The following ABCB5 variants were observed in gnomAD, a reference collection of about 807,000 sequenced individuals.
ABCB5 encodes ATP-binding cassette sub-family B member 5.
ABCB5 carries 155 observed loss-of-function variants against 144.2 expected under a neutral mutation model. The observed-to-expected ratio is 1.08, with a 90% CI of 0.94 to 1.23. ABCB5 has a LOEUF of 1.23. Among genes scored for constraint, ABCB5 ranks in the 50% most tolerant of loss-of-function variants. The pLI is 0.00. For missense variants in ABCB5, 1,830 were observed against 1,520.8 expected (o/e 1.20, Z -3.38); for synonymous variants, 610 against 528.6 (o/e 1.15, Z -2.11).
intron 4 of ABCB5, 88 bp from the exon 5 acceptor site, chr7:20,631,971 A>G (rs1784049396): frequency 2.9e-6 from 2 of 694,506 alleles, no homozygotes; most frequent in South Asian, 2.6e-5. Context: ...TTAAGAGTGC[A>G]CTATATTTGG....
chr7:20,667,268 G>A (rs1319213867), intron 14 of ABCB5: 28 of 983,446 alleles, frequency 2.8e-5, no homozygotes, highest in Non-Finnish European at 3.3e-5. Flanking sequence ...AAGTAAAGAT[G>A]ACACAGATGA....
intron 14 of ABCB5, among the ~76,000 whole-genome samples, chr7:20,680,799 C>G (rs1233591310): frequency 6.6e-6 from 1 of 151,976 alleles, no homozygotes; most frequent in Admixed American, 6.6e-5. Context: ...AGTAATATCC[C>G]CATTTTAAAG....
chr7:20,682,349 G>A (rs1367350518), intron 15 of ABCB5, among the ~76,000 whole-genome samples: 1 of 152,128 alleles, frequency 6.6e-6, no homozygotes, highest in East Asian at 1.9e-4. Flanking sequence ...TGTGCATATA[G>A]ATATTATTAG....
chr7:20,674,530 A>G (rs1315908350), intron 14 of ABCB5, among the ~76,000 whole-genome samples: 2 of 151,872 alleles, frequency 1.3e-5, no homozygotes, highest in Non-Finnish European at 2.9e-5. Context: ...AGTTGCTATC[A>G]GCTTAAAATA....
intron 5 of ABCB5, among the ~76,000 whole-genome samples, chr7:20,632,567 T>C (rs1231718921): frequency 3.3e-5 from 5 of 152,198 alleles, no homozygotes; most frequent in African/African-American, 9.6e-5. Context: ...CACACGTATG[T>C]TTATTGCAGC....
At chr7:20,707,843 GC>G (rs1786872462) in intron 20 of ABCB5, among the ~76,000 whole-genome samples, 1 of 118,050 alleles carries the variant, frequency 8.5e-6, no homozygotes, top group Non-Finnish European at 1.6e-5. Flanking sequence ...TCTCGCTCTC[GC>G]CCAGGCTGGA....
chr7:20,740,774 G>A (rs1185407925), intron 24 of ABCB5, among the ~76,000 whole-genome samples: 2 of 151,986 alleles, frequency 1.3e-5, no homozygotes, highest in Admixed American at 6.6e-5. Flanking sequence ...ATTTTATTTA[G>A]TATGTAAATG....
chr7:20,742,953 G>C lies in ABCB5; in HGVS notation c.3101G>C (p.Arg1034Pro). The change falls in exon 25 of 28, where the codon CGT becomes CCT. Residue 1034 changes from arginine (R) to proline (P), a missense_variant. Arg to Pro is a moderately radical substitution (Grantham distance 103). Transcript: ENST00000404938. ...YPCRPDVFIL[R>P]GLSLSIERGK... Reference sequence around the variant, plus strand: ...TGTCGCCCAGATGTTTTCATCCTCCGTGGCTTATCCCTCAGTATTGAGCGA... The same window carrying C: ...TGTCGCCCAGATGTTTTCATCCTCCCTGGCTTATCCCTCAGTATTGAGCGA... The C allele has an allele frequency of 6.2e-7, 1 of 1,614,088 alleles. No homozygotes were observed. Among genetic ancestry groups the C allele is most frequent in the Non-Finnish European group, 8.5e-7 (1 of 1,180,028 alleles).
chr7:20,672,438 A>G (rs1397119255), intron 14 of ABCB5, among the ~76,000 whole-genome samples: 1 of 152,158 alleles, frequency 6.6e-6, no homozygotes, highest in Non-Finnish European at 1.5e-5. Flanking sequence ...GCATCAGGAC[A>G]AATAGCTAAT....
intron 24 of ABCB5, among the ~76,000 whole-genome samples, chr7:20,742,166 G>C (rs1408738476): frequency 6.6e-5 from 10 of 152,086 alleles, no homozygotes; most frequent in Admixed American, 6.6e-4. Flanking sequence ...TTGAGTCCAG[G>C]AGTTTGGAAC....
In ABCB5 at chr7:20,742,061, C is replaced by G. The variant is rs111780181; in HGVS notation, c.3025-816C>G. ...CTAAATGTTTAGGCAACTGTCACTG[C>G]CAAATAATGGTCAATTGAAAATAAA... is the stretch of plus-strand genomic sequence containing the variant. On this transcript the variant is annotated intron_variant, in intron 24 of 27. Transcript: ENST00000404938. Among the ~76,000 whole-genome samples, 348 of 152,226 alleles carry G rather than the reference C, an allele frequency of 2.3e-3. 3 individuals are homozygous for G. Among genetic ancestry groups the G allele is most frequent in the African/African-American group, 7.9e-3 (328 of 41,536 alleles).
In ABCB5 at chr7:20,643,642, A is replaced by T; in HGVS notation, c.678+10A>T. ...GGCAGCATGTTCTAGGGTAAGTGAG[A>T]TGGCTAATGCAATATTGAATGGAAG... is the stretch of plus-strand genomic sequence containing the variant. On this transcript the variant is annotated intron_variant, in intron 7 of 27. Coordinates refer to ENST00000404938, the MANE Select transcript of ABCB5 (RefSeq NM_001163941.2). 3 of 1,613,490 alleles carry T rather than the reference A, an allele frequency of 1.9e-6. No individual in the cohort carries two copies. The highest frequency in any genetic ancestry group is 2.2e-5 in the South Asian group (2 of 91,054).
chr7:20,726,477 G>A (rs1031245859), intron 21 of ABCB5, among the ~76,000 whole-genome samples: 6 of 142,962 alleles, frequency 4.2e-5, no homozygotes, highest in Admixed American at 3.0e-4. Context: ...AGTGATTCTC[G>A]TGCCTTAGCT....
intron 7 of ABCB5, 144 bp from the exon 8 acceptor site, chr7:20,645,612 G>A: frequency 9.7e-7 from 1 of 1,026,702 alleles, no homozygotes; most frequent in South Asian, 1.9e-5. Context: ...CTTAGTATTT[G>A]AAGACAAATT....
intron 16 of ABCB5, among the ~76,000 whole-genome samples, chr7:20,693,583 T>C (rs1025548378): frequency 1.3e-5 from 2 of 152,120 alleles, no homozygotes; most frequent in Non-Finnish European, 2.9e-5. Flanking sequence ...TATCAAAATG[T>C]ATAGGAAGCT....
intron 14 of ABCB5, chr7:20,659,103 C>G (rs187753060): frequency 1.2e-6 from 2 of 1,614,014 alleles, no homozygotes; most frequent in Non-Finnish European, 1.7e-6. Flanking sequence ...AATTTCACCT[C>G]AAGTGGAGAA....
In ABCB5 at chr7:20,658,518, T is replaced by A; in HGVS notation, c.1549T>A (p.Leu517Met). 1 of 1,613,526 alleles carries A rather than the reference T, an allele frequency of 6.2e-7. No individual in the cohort carries two copies. Residue 517 changes from leucine to methionine, a missense_variant, in exon 14 of 28, where the codon TTG becomes ATG. Coordinates refer to ENST00000404938, the MANE Select transcript of ABCB5 (RefSeq NM_001163941.2). ...IMEFPNKFNT[L>M]VGEKGAQMSG... ...TATTTTTCATTAGAAATTTAATACA[T>A]TGGTAGGGGAAAAAGGAGCTCAAAT...
At chr7:20,737,211 C>T (rs190916417) in intron 23 of ABCB5, among the ~76,000 whole-genome samples, 9 of 152,160 alleles carry the variant, frequency 5.9e-5, no homozygotes, top group Middle Eastern at 3.4e-3. Flanking sequence ...CCCAGATAGT[C>T]CAACACCTCA....
intron 14 of ABCB5, among the ~76,000 whole-genome samples, chr7:20,669,905 T>C (rs1043732598): frequency 6.6e-6 from 1 of 152,130 alleles, no homozygotes; most frequent in Non-Finnish European, 1.5e-5. Flanking sequence ...TTTAAAGGGC[T>C]GTAGGCAAGT....
Sources: gnomAD v4.1 joint callset for allele counts (sites outside exome capture counted in the v4.1 genomes callset) on GRCh38, gnomAD v4.1.1 for gene constraint, MANE v1.5 for transcripts, NCBI Gene and HGNC (gene_info 2026-07-23, HGNC 2026-07-21) for gene names.